The following PLEC variants were observed in gnomAD, a reference collection of about 807,000 sequenced individuals.
The protein encoded by PLEC is plectin, also known as hemidesmosomal protein 1.
In PLEC, 216 loss-of-function variants were observed where a neutral mutation model predicts 392.8. That is an observed-to-expected ratio of 0.55 (90% CI 0.49 to 0.62). The LOEUF (loss-of-function observed/expected upper bound fraction) is 0.62, where lower values mean the gene tolerates loss of function less well. Among genes scored for constraint, PLEC ranks in the 20% least tolerant of loss-of-function variants. The pLI is 0.00. For missense variants in PLEC, 6,863 were observed against 6,563.4 expected (o/e 1.05, Z -1.58); for synonymous variants, 3,621 against 2,980.6 (o/e 1.21, Z -7.00).
At chr8:143,937,702 C>T (rs1554724618) in intron 3 of PLEC, 1 of 489,452 alleles carries the variant, frequency 2.0e-6, no homozygotes, top group Admixed American at 2.3e-5. Context: ...GCTCCACGGT[C>T]TTGGGGAGCT....
upstream of PLEC, among the ~76,000 whole-genome samples, chr8:143,958,405 ACCAGGTGTCTG>A (rs1489445549): frequency 3.9e-5 from 6 of 152,090 alleles, no homozygotes; most frequent in Non-Finnish European, 7.4e-5. This position sits in a 1 kb window ranked among gnomAD's most constrained non-coding sequence, Gnocchi z 4.9. Flanking sequence ...GTATCTCAAT[ACCAGGTGTCTG>A]CTAGAGACCA....
At chr8:143,930,099 C>T (rs564219672) in intron 21 of PLEC, 37 bp from the exon 22 acceptor site, 2 of 1,602,646 alleles carry the variant, frequency 1.2e-6, no homozygotes, top group Non-Finnish European at 8.5e-7. Flanking sequence ...TCACCAGCGC[C>T]CCACCCGCCT....
At chr8:143,931,000 C>T (rs1827085975) in intron 19 of PLEC, among the ~76,000 whole-genome samples, 1 of 152,176 alleles carries the variant, frequency 6.6e-6, no homozygotes, top group African/African-American at 2.4e-5. Context: ...CACTGTGCAC[C>T]CGCCCTCCTG....
At chr8:143,964,393 A>G (rs1162432072) in intron 1 of PLEC, among the ~76,000 whole-genome samples, 5 of 152,170 alleles carry the variant, frequency 3.3e-5, no homozygotes, top group African/African-American at 9.7e-5. Context: ...CCTAGAACCA[A>G]TGCCAAGTGT....
rs1554689552 is a variant in PLEC at position 143,922,371 on chromosome 8, G to A, written c.7450C>T (p.Leu2484=). ...EEMQTVQQEQ[L]LQETQALQQS... is the part of the protein sequence containing the mutation. The stretch of plus-strand genomic sequence containing the variant: ...TGCAGGGCCTGCGTCTCCTGCAGCA[G>A]CTGCTCCTGCTGCACCGTCTGCATC... The change falls in exon 32 of 32, where the codon CTG becomes TTG. Residue 2484 remains leucine, a synonymous_variant. Transcript: ENST00000345136. 4 of 1,602,854 alleles carry A rather than the reference G, an allele frequency of 2.5e-6. No individual in the cohort carries two copies. The highest frequency in any genetic ancestry group is 3.4e-6 in the Non-Finnish European group (4 of 1,179,954).
At chr8:143,950,330 G>T in exon 1 of PLEC, 1 of 1,576,682 alleles carries the variant, frequency 6.3e-7, no homozygotes, top group East Asian at 2.3e-5. Flanking sequence ...CCGCTTGGGT[G>T]GGGAGCCCAG....
At chr8:143,950,437 T>C (rs1426194481) in exon 1 of PLEC, 3 of 1,601,614 alleles carry the variant, frequency 1.9e-6, no homozygotes, top group Non-Finnish European at 2.6e-6. Context: ...GCACGATCTC[T>C]GGCGGCAGGT....
chr8:143,922,878 CCTT>C lies in PLEC; in HGVS notation c.7048_7050del (p.Lys2350del), dbSNP rs1318909477. The C allele has an allele frequency of 6.3e-7, 1 of 1,582,554 alleles. No homozygotes were observed. The highest frequency in any genetic ancestry group is 8.6e-7 in the Non-Finnish European group (1 of 1,165,358). On this transcript the variant is annotated inframe_deletion, in exon 31 of 32. Transcript: ENST00000345136. ...TCCGCCAGCTGCTGCGCCATCTGCT[CCTT>C]GTCCTCCTGCAGCCGCCGCGCCTGC...
chr8:143,960,619 G>GA (rs1182426797), intron 1 of PLEC, among the ~76,000 whole-genome samples: 63 of 140,796 alleles, frequency 4.5e-4, no homozygotes, highest in Middle Eastern at 3.6e-3. Context: ...TCTGTCTCAA[G>GA]AAAAAAAAAA....
At chr8:143,934,984 C>A (rs781852267) in intron 8 of PLEC, 27 bp downstream of exon 8, 1 of 1,611,384 alleles carries the variant, frequency 6.2e-7, no homozygotes, top group African/African-American at 1.3e-5. Flanking sequence ...AGGCCCAAGC[C>A]CCCTGCCCTC....
Position 143,918,352 on chromosome 8 carries a change from A to G in PLEC, c.11469T>C (p.Ala3823=). 3 of 1,576,306 alleles carry G rather than the reference A, an allele frequency of 1.9e-6. No homozygotes were observed. Among genetic ancestry groups the G allele is most frequent in the Non-Finnish European group, 2.6e-6 (3 of 1,167,756 alleles). Residue 3823 remains alanine, a synonymous_variant, in exon 32 of 32, where the codon GCT becomes GCC. Transcript: ENST00000345136. ...RLGFHLPLEV[A]YQRGYLNKDT... ...CCTTGTTGAGGTAGCCACGCTGGTA[A>G]GCCACCTCCAGGGGAAGGTGGAAGC... is the stretch of plus-strand genomic sequence containing the variant.
rs782428596 is a variant in PLEC at position 143,918,202 on chromosome 8, C to T, written c.11619G>A (p.Leu3873=). 3 of 1,584,764 alleles carry T rather than the reference C, an allele frequency of 1.9e-6. No individual in the cohort carries two copies. The South Asian group carries it at 3.3e-5, about 18-fold the overall frequency. The change falls in exon 32 of 32, where the codon CTG becomes CTA. Residue 3873 remains leucine (L), a synonymous_variant. Transcript: ENST00000345136. ...RCRRDDGTGQ[L]LLPLSDARKL... is the part of the protein sequence containing the mutation. ...TGCGGGCGTCCGACAGTGGCAGGAG[C>T]AGCTGGCCGGTGCCGTCGTCACGAC... is the stretch of plus-strand genomic sequence containing the variant.
At position 143,923,593 on chromosome 8, in the gene PLEC, T is replaced by C; in HGVS notation, c.6336A>G (p.Glu2112=). The change falls in exon 31 of 32, where the codon GAA becomes GAG. Residue 2112 remains glutamate, a synonymous_variant. Coordinates refer to ENST00000345136, the MANE Select transcript of PLEC (RefSeq NM_201384.3). The part of the protein sequence containing the change: ...REAAQSRRQV[E]EAERLKQSAE... ...CCGACTGCTTCAGCCGCTCGGCCTC[T>C]TCCACCTGCCGCCGGGACTGCGCCG... 1 of 1,594,262 alleles carries C rather than the reference T, an allele frequency of 6.3e-7. No individual in the cohort carries two copies. Among genetic ancestry groups the C allele is most frequent in the Middle Eastern group, 1.7e-4 (1 of 5,810 alleles).
rs1554702867 is a variant in PLEC at position 143,925,500 on chromosome 8, C to A, written c.4429G>T (p.Ala1477Ser). The A allele has an allele frequency of 6.3e-7, 1 of 1,595,852 alleles. No individual in the cohort carries two copies. The highest frequency in any genetic ancestry group is 1.3e-5 in the African/African-American group (1 of 74,890). ...QRGGAEGELQ[A>S]LRARAEEAEA... is the part of the protein sequence containing the mutation. ...GCCTCCTCCGCCCGTGCACGCAGTG[C>A]CTGCAGCTCCCCCTCAGCCCCGCCA... The change falls in exon 31 of 32, where the codon GCA (alanine) becomes TCA (serine). Residue 1477 changes from alanine to serine, a missense_variant. Transcript: ENST00000345136.
In PLEC at chr8:143,934,459, CCA is replaced by C; in HGVS notation, c.1042-16_1042-15del. The C allele has an allele frequency of 6.2e-7, 1 of 1,610,374 alleles. No homozygotes were observed. The highest frequency in any genetic ancestry group is 8.5e-7 in the Non-Finnish European group (1 of 1,179,662). On this transcript the variant is annotated splice_polypyrimidine_tract_variant and intron_variant, in intron 10 of 31. Transcript: ENST00000345136. The stretch of plus-strand genomic sequence containing the variant: ...TTGCACCGCTCCCTGTAGACAGGGG[CCA>C]CACTCAGGCCCTATAGGCAGGGGGC...
rs573154917 is a variant in PLEC, at chr8:143,969,118, A to G, written c.70+4285T>C. Among the ~76,000 whole-genome samples the G allele has an allele frequency of 1.3e-5, 2 of 152,346 alleles. No homozygotes were observed. Among genetic ancestry groups the G allele is most frequent in the African/African-American group, 4.8e-5 (2 of 41,578 alleles). ...AGGTGGAAACAACCCACTATCCGTCAACTGATAAACGCATAAGCAAAAGTG... is the reference window on the plus strand; with the variant it reads ...AGGTGGAAACAACCCACTATCCGTCGACTGATAAACGCATAAGCAAAAGTG... On this transcript the variant is annotated intron_variant, in intron 1 of 31. Transcript: ENST00000356346. This position sits in a 1 kb window ranked among gnomAD's most constrained non-coding sequence, Gnocchi z 5.1.
Position 143,929,242 on chromosome 8 carries a change from C to G in PLEC, c.3121G>C (p.Ala1041Pro). 6.2e-7 allele frequency: 1 copy of G among 1,601,882 alleles called. No homozygotes were observed. The highest frequency in any genetic ancestry group is 8.5e-7 in the Non-Finnish European group (1 of 1,179,302). Residue 1041 changes from alanine (A) to proline (P), a missense_variant, in exon 25 of 32, where the codon GCC becomes CCC. Physicochemically the swap from Ala to Pro is conservative, Grantham distance 27. Transcript: ENST00000345136. ...TTCTCGGCCTCGGCAGAGAGCCGGG[C>G]GACCCCCTTGCCCAGCCCCTCCACC... ...AEVEGLGKGVARLSAEAEKVL... is the reference protein window; with the variant it reads ...AEVEGLGKGVPRLSAEAEKVL...
At chr8:143,936,821 G>C (rs781885852) in intron 5 of PLEC, among the ~76,000 whole-genome samples, 158 bp downstream of exon 5, 1 of 152,218 alleles carries the variant, frequency 6.6e-6, no homozygotes, top group Non-Finnish European at 1.5e-5. Flanking sequence ...CCAGGGTTGC[G>C]GCTGGCAGGA....
upstream of PLEC, among the ~76,000 whole-genome samples, chr8:143,942,238 C>CGA (rs1187091706): frequency 3.3e-5 from 5 of 152,142 alleles, no homozygotes; most frequent in African/African-American, 1.2e-4. Flanking sequence ...CGCCTTCCTC[C>CGA]CCAGGTGTTT....
Sources: allele counts gnomAD v4.1 joint callset (sites outside exome capture counted in the v4.1 genomes callset), GRCh38; gene constraint gnomAD v4.1.1; non-coding constraint Gnocchi (gnomAD v3.1); transcripts MANE v1.5; gene names NCBI Gene and HGNC (gene_info 2026-07-23, HGNC 2026-07-21).